The following C17orf75 variants were observed in gnomAD, a reference collection of about 807,000 sequenced individuals.
C17orf75 encodes the protein chromosome 17 open reading frame 75.
C17orf75 carries 32 observed loss-of-function variants against 49.6 expected under a neutral mutation model. The observed-to-expected ratio is 0.65, with a 90% CI of 0.49 to 0.87. The LOEUF is 0.87. Ranked by LOEUF, C17orf75 falls within the 40% of genes least tolerant of loss-of-function variation. C17orf75 has a pLI of 0.00. For synonymous variants in C17orf75, 158 were observed against 159.5 expected (o/e 0.99, Z 0.07); for missense variants, 428 against 473.9 (o/e 0.90, Z 0.90).
rs1219207969 is a variant in C17orf75, at chr17:32,331,342, G to T, written c.*421C>A. ...TGAACTGGTGTAGTGGTATTAATCT[G>T]TTCTAAGACTAGAATTACATTTTTT... On this transcript the variant is annotated 3_prime_UTR_variant, in exon 10 of 10. Coordinates refer to ENST00000577809, the MANE Select transcript of C17orf75 (RefSeq NM_022344.4). 4 of 175,750 alleles carry T rather than the reference G, an allele frequency of 2.3e-5. No homozygotes were observed. The Admixed American group carries it at 2.3e-4, about 10-fold the overall frequency. 10.9% of individuals were successfully genotyped at this position (175,750 alleles called of 1,614,324 possible).
chr17:32,347,992 G>A (rs574855891), intron 1 of C17orf75, among the ~76,000 whole-genome samples: 2 of 151,862 alleles, frequency 1.3e-5, no homozygotes, highest in African/African-American at 2.4e-5. Context: ...TTACAGGCTT[G>A]AGCAACTGCA....
chr17:32,343,688 G>A (rs2041402089), upstream of C17orf75: 2 of 549,516 alleles, frequency 3.6e-6, no homozygotes, highest in African/African-American at 1.9e-5. Context: ...GTCTTCATTC[G>A]CAATGGGTAT....
intron 2 of C17orf75, among the ~76,000 whole-genome samples, chr17:32,340,266 G>C (rs1298621865): frequency 1.3e-5 from 2 of 152,088 alleles, no homozygotes; most frequent in Non-Finnish European, 2.9e-5. Flanking sequence ...TCCATGGTCA[G>C]TCATTATAAT....
intron 5 of C17orf75, among the ~76,000 whole-genome samples, chr17:32,337,236 G>A (rs1438591313): frequency 1.3e-5 from 2 of 152,102 alleles, no homozygotes; most frequent in Non-Finnish European, 2.9e-5. Flanking sequence ...TGAGGAGGGA[G>A]GATTGCTTGA....
chr17:32,338,065 A>G lies in C17orf75; in HGVS notation c.492-111T>C. 3 of 1,518,538 alleles carry G rather than the reference A, an allele frequency of 2.0e-6. No individual in the cohort carries two copies. In the East Asian group the frequency reaches 6.8e-5, roughly 34 times the overall value. 94.1% of individuals were successfully genotyped at this position (1,518,538 alleles called of 1,614,324 possible). A position where few individuals can be genotyped will look rare whatever the true frequency, so the allele number is the denominator to read the frequency against. ...GTGAGCTGCAAATGCAAACAAGCCA[A>G]GGCAAAATGGCCACATGAAGGTATG... On this transcript the variant is annotated intron_variant, in intron 4 of 9. Coordinates refer to ENST00000577809, the MANE Select transcript of C17orf75 (RefSeq NM_022344.4).
At chr17:32,349,367 A>G (rs1298346564) in intron 1 of C17orf75, among the ~76,000 whole-genome samples, 1 of 151,220 alleles carries the variant, frequency 6.6e-6, no homozygotes, top group South Asian at 2.1e-4. Flanking sequence ...GGATCACTTG[A>G]GCCCAGGAGT....
rs757776758 is a variant in C17orf75 at position 32,331,873 on chromosome 17, C to T, written c.1081G>A (p.Asp361Asn). ...ACTTTAACAATCTTCAAAAGTATAT[C>T]TCCACTACCACAGTTCTTTAGGAAC... Reference protein sequence around the residue: ...YMFLKNCGSGDILLKIVKVEH... With the variant: ...YMFLKNCGSGNILLKIVKVEH... The change falls in exon 10 of 10, where the codon GAT becomes AAT. Residue 361 changes from aspartate to asparagine, a missense_variant. Physicochemically the swap from Asp to Asn is conservative, Grantham distance 23 (BLOSUM62 1). Transcript: ENST00000577809. 3.1e-6 allele frequency: 5 copies of T among 1,613,332 alleles called. No homozygotes were observed. The East Asian group carries it at 6.7e-5, about 22-fold the overall frequency.
At chr17:32,347,290 T>C (rs1424683899) in intron 1 of C17orf75, among the ~76,000 whole-genome samples, 1 of 151,476 alleles carries the variant, frequency 6.6e-6, no homozygotes, top group African/African-American at 2.4e-5. Context: ...TTCTTTTTTT[T>C]CCCCCGAGAT....
chr17:32,349,990 A>G, exon 1 of C17orf75: 1 of 1,275,410 alleles, frequency 7.8e-7, no homozygotes. Flanking sequence ...CTCCGCAAGC[A>G]CAGCCAGCGA....
At chr17:32,344,013 C>T (rs1597740147), upstream of C17orf75, 1 of 679,010 alleles carries the variant, frequency 1.5e-6, no homozygotes, top group Non-Finnish European at 2.7e-6. Context: ...TTAATCCTGG[C>T]ACAGAACCAA....
At chr17:32,338,714 G>C (rs1311069648) in intron 3 of C17orf75, among the ~76,000 whole-genome samples, 1 of 152,164 alleles carries the variant, frequency 6.6e-6, no homozygotes, top group Non-Finnish European at 1.5e-5. Flanking sequence ...TGTGCCTGAA[G>C]GTGGCCTTAT....
At chr17:32,333,337 A>G in intron 9 of C17orf75, 80 bp downstream of exon 9, 1 of 967,548 alleles carries the variant, frequency 1.0e-6, no homozygotes, top group South Asian at 1.5e-5. Context: ...CTATAAAGCA[A>G]TTTGTTACTC....
At chr17:32,345,814 G>A (rs971356234), upstream of C17orf75, among the ~76,000 whole-genome samples, 1 of 151,964 alleles carries the variant, frequency 6.6e-6, no homozygotes, top group African/African-American at 2.4e-5. Context: ...CCAAAGTGCT[G>A]GGATTACAGG....
chr17:32,329,747 T>G lies in C17orf75; in HGVS notation c.*2016A>C, dbSNP rs1297245024. The G allele has an allele frequency of 6.6e-6, 1 of 152,222 alleles. No individual in the cohort carries two copies. Among genetic ancestry groups the G allele is most frequent in the Non-Finnish European group, 1.5e-5 (1 of 68,036 alleles). 9.4% of individuals were successfully genotyped at this position (152,222 alleles called of 1,614,324 possible). ...ACGTTGATGTGCTAATGTAGCTTAC[T>G]TTAAAAAATGATTTCCAAGTGGGGA... On this transcript the variant is annotated 3_prime_UTR_variant, in exon 10 of 10. Transcript: ENST00000577809.
rs111815283 is a variant in C17orf75 at position 32,340,710 on chromosome 17, G to A, written c.221+494C>T. Among the ~76,000 whole-genome samples the A allele has an allele frequency of 8.6e-5, 13 of 151,632 alleles. No individual in the cohort carries two copies. In the South Asian group the frequency reaches 1.5e-3, roughly 17 times the overall value. On this transcript the variant is annotated intron_variant, in intron 2 of 9. Coordinates refer to ENST00000577809, the MANE Select transcript of C17orf75 (RefSeq NM_022344.4). Reference sequence around the variant, plus strand: ...CATGCCTGTAATCCCAACACTTTGCGAGGCAGAAGTGGGCGGATCACTTGA... The same window carrying A: ...CATGCCTGTAATCCCAACACTTTGCAAGGCAGAAGTGGGCGGATCACTTGA...
intron 1 of C17orf75, 49 bp from the exon 2 acceptor site, chr17:32,341,333 A>G (rs1252247231): frequency 6.3e-7 from 1 of 1,596,234 alleles, no homozygotes; most frequent in Non-Finnish European, 8.6e-7. Context: ...CTCTAAACCA[A>G]GAGGAGTATG....
chr17:32,346,018 C>T (rs2041422598), upstream of C17orf75, among the ~76,000 whole-genome samples: 1 of 152,038 alleles, frequency 6.6e-6, no homozygotes, highest in Admixed American at 6.6e-5. Context: ...ATAAATATTT[C>T]TCTATGTATC....
At chr17:32,345,935 T>C (rs1392727900), upstream of C17orf75, among the ~76,000 whole-genome samples, 1 of 152,206 alleles carries the variant, frequency 6.6e-6, no homozygotes, top group African/African-American at 2.4e-5. Flanking sequence ...ATGCTTGATA[T>C]GGGACATTAT....
At position 32,333,440 on chromosome 17, in the gene C17orf75, C is replaced by T. The variant is rs375913041; in HGVS notation, c.952G>A (p.Val318Ile). The T allele has an allele frequency of 6.2e-6, 10 of 1,612,564 alleles. No homozygotes were observed. Among genetic ancestry groups the T allele is most frequent in the African/African-American group, 1.3e-5 (1 of 74,836 alleles). ...ACCTTTAGTTTAAAGTTCTCCAGTA[C>T]TTGTCGGAAAAGAAAAGGGTTACCT... ...KGGNPFLFRQ[V>I]LENFKLKAIQ... is the part of the protein sequence containing the mutation. Residue 318 changes from valine (V) to isoleucine (I), a missense_variant, in exon 9 of 10, where the codon GTA (valine) becomes ATA (isoleucine). Transcript: ENST00000577809.
Sources: allele counts gnomAD v4.1 joint callset (sites outside exome capture counted in the v4.1 genomes callset), GRCh38; gene constraint gnomAD v4.1.1; transcripts MANE v1.5; gene names NCBI Gene and HGNC (gene_info 2026-07-23, HGNC 2026-07-21).